Variants in TENM4 observed in about 807,000 individuals in gnomAD.
TENM4 encodes the protein teneurin-4.
TENM4 carries 82 observed loss-of-function variants against 243.3 expected under a neutral mutation model. The ratio of observed to expected loss-of-function variants is 0.34; its 90% CI spans 0.28 to 0.40. The LOEUF (loss-of-function observed/expected upper bound fraction) is 0.40. TENM4 is among the 10% of genes least tolerant of loss of function. The pLI is 1.00. For missense variants in TENM4, 3,138 were observed against 3,673.3 expected, an observed-to-expected ratio of 0.85 and a Z score of 3.77; for synonymous variants, 1,412 against 1,456.3, an observed-to-expected ratio of 0.97 and a Z score of 0.69.
intron 6 of TENM4, among the ~76,000 whole-genome samples, chr11:79,023,215 C>T (rs1444343280): frequency 6.6e-6 from 1 of 152,064 alleles, no homozygotes; most frequent in Non-Finnish European, 1.5e-5. Flanking sequence ...AAGAAAATGC[C>T]ACCACCCTCA....
At chr11:78,663,349 T>A (rs1391666039) in intron 32 of TENM4, among the ~76,000 whole-genome samples, 6 of 152,214 alleles carry the variant, frequency 3.9e-5, no homozygotes, top group Non-Finnish European at 8.8e-5. Context: ...ATAGTTTGAA[T>A]ATTTGTCCCC....
intron 2 of TENM4, among the ~76,000 whole-genome samples, chr11:79,232,768 A>T (rs763928042): frequency 4.6e-4 from 70 of 152,340 alleles, no homozygotes; most frequent in Non-Finnish European, 7.9e-4. Flanking sequence ...GTTTGGATAG[A>T]TCCTCAGTCA....
At chr11:78,790,937 A>G (rs1255362772) in intron 15 of TENM4, among the ~76,000 whole-genome samples, 1 of 152,050 alleles carries the variant, frequency 6.6e-6, no homozygotes, top group African/African-American at 2.4e-5. Flanking sequence ...CCATCCAAAC[A>G]CTCAACTTCC....
chr11:79,118,360 T>C (rs938040721), intron 4 of TENM4, among the ~76,000 whole-genome samples: 6 of 152,244 alleles, frequency 3.9e-5, no homozygotes, highest in African/African-American at 1.4e-4. Flanking sequence ...GGAAAGAAGA[T>C]ATTACCTAAT....
intron 2 of TENM4, among the ~76,000 whole-genome samples, chr11:79,260,770 G>T (rs994965106): frequency 6.6e-6 from 1 of 152,142 alleles, no homozygotes; most frequent in African/African-American, 2.4e-5. Flanking sequence ...ACTGCCAAAA[G>T]GGCCCTCCCA....
intron 6 of TENM4, among the ~76,000 whole-genome samples, chr11:79,004,453 T>A (rs1858420525): frequency 6.6e-6 from 1 of 152,060 alleles, no homozygotes; most frequent in South Asian, 2.1e-4. Context: ...AAATCAATAC[T>A]GAGAAAATTG....
intron 4 of TENM4, among the ~76,000 whole-genome samples, chr11:79,132,170 G>A (rs952554380): frequency 6.6e-6 from 1 of 151,142 alleles, no homozygotes; most frequent in African/African-American, 2.4e-5. Flanking sequence ...GTGAAACCCT[G>A]TCTCTACTAA....
intron 1 of TENM4, among the ~76,000 whole-genome samples, chr11:79,389,562 A>G (rs2135538455): frequency 6.6e-6 from 1 of 152,360 alleles, no homozygotes; most frequent in East Asian, 1.9e-4. Flanking sequence ...AAGCATTGCT[A>G]TAGTCCAGGC....
At chr11:79,219,417 C>T (rs1864116230) in intron 2 of TENM4, among the ~76,000 whole-genome samples, 1 of 152,188 alleles carries the variant, frequency 6.6e-6, no homozygotes, top group Non-Finnish European at 1.5e-5. Context: ...ATGAATGTGG[C>T]AAGCCTTGCA....
chr11:78,694,233 T>A (rs532774204), intron 28 of TENM4, among the ~76,000 whole-genome samples: 5 of 152,356 alleles, frequency 3.3e-5, no homozygotes, highest in African/African-American at 1.2e-4. Flanking sequence ...TTGATTTGTA[T>A]GACTTTCATT....
chr11:79,055,042 G>T (rs1174763137), intron 6 of TENM4, among the ~76,000 whole-genome samples: 2 of 150,906 alleles, frequency 1.3e-5, no homozygotes, highest in Non-Finnish European at 2.9e-5. Flanking sequence ...CAGGAGAATT[G>T]CTTGAACCCA....
At chr11:78,778,471 G>A (rs1471901397) in intron 17 of TENM4, 131 bp downstream of exon 17, 3 of 982,208 alleles carry the variant, frequency 3.1e-6, no homozygotes, top group Non-Finnish European at 4.5e-6. Context: ...GACAAAACTG[G>A]GGATGCATTA....
At chr11:78,896,749 G>C (rs1337994439) in intron 7 of TENM4, among the ~76,000 whole-genome samples, 1 of 152,192 alleles carries the variant, frequency 6.6e-6, no homozygotes, top group African/African-American at 2.4e-5. Context: ...GCACTGCATA[G>C]TGGTTAGGTG....
chr11:79,151,003 A>T (rs1862498052), intron 3 of TENM4, among the ~76,000 whole-genome samples: 1 of 152,164 alleles, frequency 6.6e-6, no homozygotes, highest in African/African-American at 2.4e-5. Flanking sequence ...TCACTCAGCT[A>T]CTATGTGGCA....
chr11:78,846,324 T>C (rs192706405), intron 12 of TENM4, among the ~76,000 whole-genome samples: 1 of 152,334 alleles, frequency 6.6e-6, no homozygotes, highest in Admixed American at 6.5e-5. Context: ...TATTTAAACT[T>C]GAGAATCCAT....
At chr11:79,286,186 G>A (rs1246754379) in intron 2 of TENM4, among the ~76,000 whole-genome samples, 1 of 152,056 alleles carries the variant, frequency 6.6e-6, no homozygotes, top group Non-Finnish European at 1.5e-5. Flanking sequence ...TTTCCATGTT[G>A]TTTGCACAAT....
intron 5 of TENM4, among the ~76,000 whole-genome samples, chr11:79,067,363 T>A (rs555966465): frequency 7.2e-5 from 11 of 152,334 alleles, no homozygotes; most frequent in African/African-American, 2.6e-4. Flanking sequence ...CGCTCTCTGA[T>A]CTACACTCCT....
chr11:79,216,634 TG>T (rs1270876377), intron 2 of TENM4, among the ~76,000 whole-genome samples: 2 of 152,154 alleles, frequency 1.3e-5, no homozygotes, highest in Non-Finnish European at 2.9e-5. Context: ...ATCTCAATCA[TG>T]GGTTGTTATA....
At chr11:79,050,346 G>C (rs768079254) in intron 6 of TENM4, among the ~76,000 whole-genome samples, 1 of 152,242 alleles carries the variant, frequency 6.6e-6, no homozygotes, top group African/African-American at 2.4e-5. Flanking sequence ...GATGCAGGTA[G>C]AGAGAAGGGC....
Sources: gnomAD v4.1 joint callset for allele counts (sites outside exome capture counted in the v4.1 genomes callset) on GRCh38, gnomAD v4.1.1 for gene constraint, MANE v1.5 for transcripts, NCBI Gene and HGNC (gene_info 2026-07-23, HGNC 2026-07-21) for gene names.